The following LRRN4 variants were observed in gnomAD, a reference collection of about 807,000 sequenced individuals.
LRRN4 encodes the protein leucine rich repeat neuronal 4.
A neutral mutation model predicts 22.3 loss-of-function variants in LRRN4; 26 were observed. The observed-to-expected ratio is 1.16, with a 90% CI of 0.85 to 1.62. LRRN4 has a LOEUF of 1.62. Ranked by LOEUF, LRRN4 falls within the 40% of genes most tolerant of loss-of-function variation. LRRN4 has a pLI of 0.00. For synonymous variants in LRRN4, 496 were observed against 486.2 expected (o/e 1.02, Z -0.26); for missense variants, 1,070 against 1,008.5 (o/e 1.06, Z -0.83).
intron 3 of LRRN4, among the ~76,000 whole-genome samples, chr20:6,047,434 A>T (rs868867794): frequency 0.036 from 5,171 of 143,770 alleles, 251 homozygotes; most frequent in African/African-American, 0.11. Flanking sequence ...ATACACACAC[A>T]CACACACACA....
In LRRN4 at chr20:6,041,172, G is replaced by A. The variant is rs754466150; in HGVS notation, c.2073C>T (p.Ser691=). Reference sequence around the variant, plus strand: ...CCACGGTGCTGGCGAGCAACAGGCCGCTGGCGGCGCACAGCCCAGAGAGCA... The same window carrying A: ...CCACGGTGCTGGCGAGCAACAGGCCACTGGCGGCGCACAGCCCAGAGAGCA... ...ALLLSGLCAA[S]GLLLASTVVL... is the part of the protein sequence containing the mutation. The change falls in exon 5 of 5, where the codon AGC becomes AGT. Residue 691 remains serine (S), a synonymous_variant. Transcript: ENST00000378858. The surrounding 1 kb of genome is among the most constrained non-coding windows in gnomAD (Gnocchi z 9.4). 2 of 1,598,928 alleles carry A rather than the reference G, an allele frequency of 1.3e-6. No homozygotes were observed. The highest frequency in any genetic ancestry group is 1.7e-6 in the Non-Finnish European group (2 of 1,172,284).
chr20:6,047,141 C>A (rs1486378302), intron 3 of LRRN4, among the ~76,000 whole-genome samples: 1 of 152,086 alleles, frequency 6.6e-6, no homozygotes, highest in Non-Finnish European at 1.5e-5. Flanking sequence ...CCCAGTGCCA[C>A]CTACACGTGA....
rs1199675413 is a variant in LRRN4 at position 6,044,654 on chromosome 20, C to T, written c.887G>A (p.Trp296Ter). 1 of 1,560,618 alleles carries T rather than the reference C, an allele frequency of 6.4e-7. No individual in the cohort carries two copies. The change falls in exon 4 of 5, where the codon TGG becomes TAG. Residue 296 changes from tryptophan (W) to a stop codon, truncating the protein, a stop_gained. Transcript: ENST00000378858. LOFTEE classifies it high-confidence loss of function. ...QNCNLSSFPP[W>*]TLDSSQVLSI... Reference sequence around the variant, plus strand: ...TAGGACCTGGGAGGAATCCAGGGTCCAAGGAGGGAAGGAACTCAAGTTGCA... The same window carrying T: ...TAGGACCTGGGAGGAATCCAGGGTCTAAGGAGGGAAGGAACTCAAGTTGCA...
chr20:6,044,574 G>A lies in LRRN4; in HGVS notation c.967C>T (p.Leu323Phe). Reference sequence around the variant, plus strand: ...AGGACAGTTCTCTTTGCATCCGTGAGGAGCCAAGACAAGTCACAACTGCAA... The same window carrying A: ...AGGACAGTTCTCTTTGCATCCGTGAAGAGCCAAGACAAGTCACAACTGCAA... ...LTCSCDLSWL[L>F]TDAKRTVLSR... is the part of the protein sequence containing the mutation. The change falls in exon 4 of 5, where the codon CTC (leucine) becomes TTC (phenylalanine). Residue 323 changes from leucine to phenylalanine, a missense_variant. Transcript: ENST00000378858. 1 of 1,588,792 alleles carries A rather than the reference G, an allele frequency of 6.3e-7. No individual in the cohort carries two copies. Among genetic ancestry groups the A allele is most frequent in the Non-Finnish European group, 8.6e-7 (1 of 1,167,824 alleles).
chr20:6,042,192 G>A lies in LRRN4; in HGVS notation c.1053C>T (p.Ala351=). 1 of 1,614,038 alleles carries A rather than the reference G, an allele frequency of 6.2e-7. No homozygotes were observed. Among genetic ancestry groups the A allele is most frequent in the Non-Finnish European group, 8.5e-7 (1 of 1,179,998 alleles). The change falls in exon 5 of 5, where the codon GCC becomes GCT. Residue 351 remains alanine (A), a synonymous_variant. Transcript: ENST00000378858. ...PAAGSSGPFS[A]SLSLSQLPGV... Reference sequence around the variant, plus strand: ...CGGGCAGCTGGGAGAGTGACAGGGAGGCTGAGAAGGGGCCGCTGGATCCCG... The same window carrying A: ...CGGGCAGCTGGGAGAGTGACAGGGAAGCTGAGAAGGGGCCGCTGGATCCCG...
intron 4 of LRRN4, among the ~76,000 whole-genome samples, chr20:6,042,966 C>T (rs1981008693): frequency 6.6e-6 from 1 of 151,734 alleles, no homozygotes; most frequent in Non-Finnish European, 1.5e-5. Context: ...TTTCTGAGTG[C>T]TTCCCACGTG....
At chr20:6,053,561 C>G (rs1370320844) in intron 1 of LRRN4, among the ~76,000 whole-genome samples, 1 of 152,116 alleles carries the variant, frequency 6.6e-6, no homozygotes, top group Non-Finnish European at 1.5e-5. Flanking sequence ...GGAGATCAAG[C>G]AGAGGAAGAT....
At chr20:6,044,494 C>A in intron 4 of LRRN4, 49 bp downstream of exon 4, 1 of 1,398,340 alleles carries the variant, frequency 7.2e-7, no homozygotes, top group South Asian at 2.0e-5. Context: ...ACTTCAGCTC[C>A]TGAAGGCTGA....
At position 6,042,087 on chromosome 20, in the gene LRRN4, A is replaced by G. The variant is rs1980978897; in HGVS notation, c.1158T>C (p.Gly386=). The change falls in exon 5 of 5, where the codon GGT becomes GGC. Residue 386 remains glycine (G), a synonymous_variant. Transcript: ENST00000378858. ...GGGCTGCGCTGGGCGCGACGGTGGTACCCTGTGCGTAGGTGGAGCGGTTGA... is the reference window on the plus strand; with the variant it reads ...GGGCTGCGCTGGGCGCGACGGTGGTGCCCTGTGCGTAGGTGGAGCGGTTGA... ...PCFNRSTYAQ[G]TTVAPSAAPA... is the part of the protein sequence containing the mutation. The G allele has an allele frequency of 6.2e-7, 1 of 1,614,004 alleles. No homozygotes were observed. The highest frequency in any genetic ancestry group is 1.3e-5 in the African/African-American group (1 of 75,016).
chr20:6,047,034 G>A (rs6085359), intron 3 of LRRN4, among the ~76,000 whole-genome samples: 15,005 of 151,900 alleles, frequency 0.099, 887 homozygotes, highest in Middle Eastern at 0.21. Context: ...TCACTATGAC[G>A]ACTTAGTGAG....
At position 6,041,743 on chromosome 20, in the gene LRRN4, T is replaced by C; in HGVS notation, c.1502A>G (p.Gln501Arg). The part of the protein sequence containing the change: ...DRSISSPQPG[Q>R]RTHATPQAPN... The stretch of plus-strand genomic sequence containing the variant: ...GGCTTGGGGTGTGGCGTGTGTCCTC[T>C]GGCCGGGCTGAGGCGAGCTTATGCT... Residue 501 changes from glutamine to arginine, a missense_variant, in exon 5 of 5, where the codon CAG (glutamine) becomes CGG (arginine). Coordinates refer to ENST00000378858, the MANE Select transcript of LRRN4 (RefSeq NM_152611.5). The surrounding 1 kb of genome is among the most constrained non-coding windows in gnomAD (Gnocchi z 9.4). 6.2e-7 allele frequency: 1 copy of C among 1,613,802 alleles called. No individual in the cohort carries two copies. Among genetic ancestry groups the C allele is most frequent in the Non-Finnish European group, 8.5e-7 (1 of 1,179,834 alleles).
intron 4 of LRRN4, among the ~76,000 whole-genome samples, chr20:6,043,031 T>C (rs1203495464): frequency 1.3e-5 from 2 of 152,230 alleles, no homozygotes; most frequent in Non-Finnish European, 2.9e-5. Context: ...TGCACTACTT[T>C]TGCAGTAGAC....
rs1008480792 is a variant in LRRN4 at position 6,052,213 on chromosome 20, G to C, written c.587C>G (p.Ala196Gly). ...AQGGIAEAAF[A>G]GEDGAPLVTL... ...GACCAGGGGCGCGCCATCCTCTCCA[G>C]CGAACGCCGCCTCGGCGATGCCCCC... The change falls in exon 2 of 5, where the codon GCT becomes GGT. Residue 196 changes from alanine (A) to glycine (G), a missense_variant. Physicochemically the swap from Ala to Gly is moderately conservative, Grantham distance 60. Coordinates refer to ENST00000378858, the MANE Select transcript of LRRN4 (RefSeq NM_152611.5). 3.8e-6 allele frequency: 6 copies of C among 1,590,706 alleles called. No homozygotes were observed. The African/African-American group carries it at 8.1e-5, about 21-fold the overall frequency.
rs1022770141 is a variant in LRRN4 at position 6,052,568 on chromosome 20, G to T, written c.232C>A (p.Arg78Ser). Residue 78 changes from arginine to serine, a missense_variant, in exon 2 of 5, where the codon CGC (arginine) becomes AGC (serine). Arg to Ser is a moderately radical substitution (Grantham distance 110). Transcript: ENST00000378858. ...AGGTTGTGGCTGGCGTCGAGGCTGC[G>T]CAGTGTGCGCGGTAGGCAGCCGGGC... is the stretch of plus-strand genomic sequence containing the variant. ...RLPGCLPRTL[R>S]SLDASHNLLR... 1.3e-6 allele frequency: 2 copies of T among 1,580,024 alleles called. No individual in the cohort carries two copies. The highest frequency in any genetic ancestry group is 1.3e-5 in the African/African-American group (1 of 74,558).
rs774131603 is a variant in LRRN4 at position 6,041,940 on chromosome 20, G to A, written c.1305C>T (p.Asn435=). The A allele has an allele frequency of 6.2e-7, 1 of 1,614,198 alleles. No individual in the cohort carries two copies. The highest frequency in any genetic ancestry group is 1.7e-5 in the Admixed American group (1 of 60,036). The change falls in exon 5 of 5, where the codon AAC becomes AAT. Residue 435 remains asparagine, a synonymous_variant. Coordinates refer to ENST00000378858, the MANE Select transcript of LRRN4 (RefSeq NM_152611.5). The surrounding 1 kb of genome is among the most constrained non-coding windows in gnomAD (Gnocchi z 9.4). Reference sequence around the variant, plus strand: ...TGGAGTTGCTGTGACCTGCTACAGAGTTGGTCGTGGAGGGGGCAGTCCCCT... The same window carrying A: ...TGGAGTTGCTGTGACCTGCTACAGAATTGGTCGTGGAGGGGGCAGTCCCCT... ...AREGTAPSTT[N]SVAGHSNSSV...
At chr20:6,047,080 A>G (rs139554645) in intron 3 of LRRN4, among the ~76,000 whole-genome samples, 1 of 152,264 alleles carries the variant, frequency 6.6e-6, no homozygotes, top group East Asian at 1.9e-4. Context: ...ATGTAAAGAA[A>G]ATTATTCTTA....
chr20:6,051,065 G>T, intron 2 of LRRN4, 82 bp from the exon 3 acceptor site: 1 of 1,216,544 alleles, frequency 8.2e-7, no homozygotes, highest in Non-Finnish European at 1.2e-6. Context: ...AAGAACGAGA[G>T]TGGCAAGGTG....
chr20:6,052,489 A>T lies in LRRN4; in HGVS notation c.311T>A (p.Leu104Gln). 6.3e-7 allele frequency: 1 copy of T among 1,575,730 alleles called. No individual in the cohort carries two copies. Among genetic ancestry groups the T allele is most frequent in the South Asian group, 1.1e-5 (1 of 87,406 alleles). The change falls in exon 2 of 5, where the codon CTG becomes CAG. Residue 104 changes from leucine (L) to glutamine (Q), a missense_variant. By Grantham distance (113) the Leu-to-Gln change is moderately radical. Transcript: ENST00000378858. Reference sequence around the variant, plus strand: ...GGCGATGCGGTTGTGGCGCAGGGTCAGCACCTGCAGCTGCTCCAGGTGGCC... The same window carrying T: ...GGCGATGCGGTTGTGGCGCAGGGTCTGCACCTGCAGCTGCTCCAGGTGGCC... ...ELGHLEQLQV[L>Q]TLRHNRIAAL...
At chr20:6,052,982 T>G (rs751681) in intron 1 of LRRN4, among the ~76,000 whole-genome samples, 178 bp from the exon 2 acceptor site, 35,854 of 152,104 alleles carry the variant, frequency 0.24, 4,831 homozygotes, top group East Asian at 0.41. Context: ...CTCCCCTGTC[T>G]GCTTTTGCCC....
Sources: allele counts gnomAD v4.1 joint callset (sites outside exome capture counted in the v4.1 genomes callset), GRCh38; gene constraint gnomAD v4.1.1; non-coding constraint Gnocchi (gnomAD v3.1); transcripts MANE v1.5; gene names NCBI Gene and HGNC (gene_info 2026-07-23, HGNC 2026-07-21).